The following LRP1B variants were observed in gnomAD, a reference collection of about 807,000 sequenced individuals.
LRP1B encodes the protein low-density lipoprotein receptor-related protein 1B.
In LRP1B, 217 loss-of-function variants were observed where a neutral mutation model predicts 556.6. That is an observed-to-expected ratio of 0.39 (90% CI 0.35 to 0.44). The LOEUF is 0.44. LRP1B is among the 20% of genes least tolerant of loss of function. The pLI, the probability that LRP1B is intolerant of heterozygous loss-of-function variation, is 1.00. For missense variants in LRP1B, 5,053 were observed against 5,620.8 expected (o/e 0.90, Z 3.23); for synonymous variants, 2,047 against 1,865.8 (o/e 1.10, Z -2.50).
intron 85 of LRP1B, among the ~76,000 whole-genome samples, chr2:140,273,786 G>A (rs1682561788): frequency 6.6e-6 from 1 of 151,984 alleles, no homozygotes; most frequent in Admixed American, 6.6e-5. Flanking sequence ...TTTCACGATA[G>A]AAACTGAATG....
At chr2:141,641,123 G>A (rs1368495164) in intron 2 of LRP1B, among the ~76,000 whole-genome samples, 4 of 152,008 alleles carry the variant, frequency 2.6e-5, no homozygotes, top group African/African-American at 9.7e-5. Context: ...TTCCCCCTCT[G>A]TACTGAGAGA....
At chr2:141,260,503 G>C (rs1573724248) in intron 3 of LRP1B, among the ~76,000 whole-genome samples, 1 of 104,376 alleles carries the variant, frequency 9.6e-6, no homozygotes, top group Admixed American at 9.8e-5. Context: ...GAAGTTGGCA[G>C]TTTCCAAACA....
intron 55 of LRP1B, among the ~76,000 whole-genome samples, chr2:140,499,111 G>A (rs1419012935): frequency 6.6e-6 from 1 of 151,744 alleles, no homozygotes; most frequent in African/African-American, 2.4e-5. Flanking sequence ...CATTTATAAA[G>A]TATTAATAAA....
chr2:141,228,506 G>T (rs1683337422), intron 6 of LRP1B, among the ~76,000 whole-genome samples: 1 of 148,826 alleles, frequency 6.7e-6, no homozygotes, highest in Admixed American at 6.7e-5. Flanking sequence ...GAGTGTGTGT[G>T]TGTACTCCCA....
chr2:142,008,883 GC>G (rs200292834), intron 1 of LRP1B, among the ~76,000 whole-genome samples: 2,548 of 152,050 alleles, frequency 0.017, 70 homozygotes, highest in African/African-American at 0.057. Flanking sequence ...CCATCCACCA[GC>G]AGGTAGAATT....
At chr2:141,272,278 A>G (rs1685119803) in intron 3 of LRP1B, among the ~76,000 whole-genome samples, 1 of 152,122 alleles carries the variant, frequency 6.6e-6, no homozygotes. Context: ...ACTGAGATAT[A>G]TCTTGTATTA....
chr2:141,033,701 T>C (rs1342692195), intron 11 of LRP1B, among the ~76,000 whole-genome samples: 6 of 152,166 alleles, frequency 3.9e-5, no homozygotes, highest in African/African-American at 1.4e-4. Flanking sequence ...GAGCTCTTTC[T>C]TTCCACCCCA....
rs1019675449 is a variant in LRP1B, at chr2:141,715,772, G to A, written c.205+94507C>T. Among the ~76,000 whole-genome samples the A allele has an allele frequency of 3.5e-4, 53 of 152,176 alleles. 1 individual carries two copies. The highest frequency in any genetic ancestry group is 2.3e-3 in the Admixed American group (35 of 15,270). Reference sequence around the variant, plus strand: ...AGAGGTTGTAGTGAGCCAAGATCGCGTCATTGCACTCCAGCCTGGGTGACA... The same window carrying A: ...AGAGGTTGTAGTGAGCCAAGATCGCATCATTGCACTCCAGCCTGGGTGACA... On this transcript the variant is annotated intron_variant, in intron 2 of 90. Coordinates refer to ENST00000389484, the MANE Select transcript of LRP1B (RefSeq NM_018557.3).
chr2:140,735,870 G>T (rs1055835586), intron 35 of LRP1B, among the ~76,000 whole-genome samples: 3 of 152,118 alleles, frequency 2.0e-5, no homozygotes, highest in Non-Finnish European at 4.4e-5. Flanking sequence ...GTGAGAAATA[G>T]CTGCACAACC....
chr2:140,966,870 T>A (rs1696239766), intron 18 of LRP1B, among the ~76,000 whole-genome samples: 1 of 152,316 alleles, frequency 6.6e-6, no homozygotes, highest in East Asian at 1.9e-4. Context: ...TGGTATTATT[T>A]CTGAGGGCTT....
At chr2:141,186,182 A>G (rs1193437590) in intron 7 of LRP1B, among the ~76,000 whole-genome samples, 1 of 151,704 alleles carries the variant, frequency 6.6e-6, no homozygotes, top group Non-Finnish European at 1.5e-5. Context: ...AAAATCTATG[A>G]AGGTCAAGCT....
At chr2:141,663,110 G>C (rs1437120971) in intron 2 of LRP1B, among the ~76,000 whole-genome samples, 3 of 152,072 alleles carry the variant, frequency 2.0e-5, no homozygotes, top group Admixed American at 6.5e-5. Context: ...CGAAATTAAG[G>C]CAGAAATCAA....
chr2:141,824,522 G>A (rs1406714133), intron 1 of LRP1B, among the ~76,000 whole-genome samples: 2 of 152,118 alleles, frequency 1.3e-5, no homozygotes, highest in Non-Finnish European at 2.9e-5. Context: ...CCGCCACCGT[G>A]CCTGGCTAAT....
chr2:141,983,130 G>A (rs559542616), intron 1 of LRP1B, among the ~76,000 whole-genome samples: 14 of 152,268 alleles, frequency 9.2e-5, no homozygotes, highest in Admixed American at 2.6e-4. Flanking sequence ...GATGTTTTGG[G>A]TTGAGATAAT....
At chr2:141,192,250 T>G (rs774846317) in intron 6 of LRP1B, among the ~76,000 whole-genome samples, 3 of 151,890 alleles carry the variant, frequency 2.0e-5, no homozygotes, top group Non-Finnish European at 4.4e-5. Flanking sequence ...ACGGATAAAT[T>G]TGACCAAATT....
intron 35 of LRP1B, among the ~76,000 whole-genome samples, chr2:140,734,645 C>T (rs1687885249): frequency 6.6e-6 from 1 of 152,134 alleles, no homozygotes; most frequent in Non-Finnish European, 1.5e-5. Context: ...CCTCTATGAT[C>T]TCTAATTTTA....
At chr2:141,329,575 C>T (rs1336483824) in intron 3 of LRP1B, among the ~76,000 whole-genome samples, 2 of 143,326 alleles carry the variant, frequency 1.4e-5, no homozygotes, top group Non-Finnish European at 3.0e-5. Flanking sequence ...ACCTGGGAGG[C>T]GGAGCTTGCA....
At chr2:141,282,204 T>G (rs1685534434) in intron 3 of LRP1B, among the ~76,000 whole-genome samples, 1 of 152,010 alleles carries the variant, frequency 6.6e-6, no homozygotes, top group Admixed American at 6.6e-5. Flanking sequence ...GGGCAAAGTG[T>G]ATATAAAGCA....
chr2:141,865,973 T>C (rs1698399944), intron 1 of LRP1B, among the ~76,000 whole-genome samples: 1 of 152,206 alleles, frequency 6.6e-6, no homozygotes, highest in Non-Finnish European at 1.5e-5. Context: ...AATGCAAAAC[T>C]TTCCCATTTT....
Sources: allele counts gnomAD v4.1 joint callset (sites outside exome capture counted in the v4.1 genomes callset), GRCh38; gene constraint gnomAD v4.1.1; transcripts MANE v1.5; gene names NCBI Gene and HGNC (gene_info 2026-07-23, HGNC 2026-07-21).